SLC35F3: variants seen among roughly 807,000 people sequenced by gnomAD.
SLC35F3 encodes the protein solute carrier family 35 member F3, also known as putative thiamine transporter SLC35F3.
Under a neutral mutation model 49.9 loss-of-function variants are expected in SLC35F3, and 25 were observed. The observed-to-expected ratio is 0.50, with a 90% CI of 0.37 to 0.70. The LOEUF is 0.70. SLC35F3 is among the 30% of genes least tolerant of loss of function. SLC35F3 has a pLI of 0.00. For synonymous variants in SLC35F3, 275 were observed against 265.4 expected, an observed-to-expected ratio of 1.04 and a Z score of -0.35; for missense variants, 525 against 639.8, an observed-to-expected ratio of 0.82 and a Z score of 1.94.
At position 234,276,492 on chromosome 1, in the gene SLC35F3, A is replaced by G. The variant is rs12037823; in HGVS notation, c.609-32609A>G. Among the ~76,000 whole-genome samples the G allele has an allele frequency of 8.7e-3, 1,318 of 152,238 alleles. 19 individuals carry two copies. Among genetic ancestry groups the G allele is most frequent in the African/African-American group, 0.029 (1,220 of 41,536 alleles). On this transcript the variant is annotated intron_variant, in intron 3 of 7. Transcript: ENST00000366618. ...GTATAAGGCAGAGTACACATTCTAG[A>G]TAACATTACAGCTTATTGTACATGG...
intron 6 of SLC35F3, among the ~76,000 whole-genome samples, 171 bp downstream of exon 6, chr1:234,319,114 A>G (rs1657557224): frequency 6.6e-6 from 1 of 152,148 alleles, no homozygotes; most frequent in African/African-American, 2.4e-5. Flanking sequence ...ATGACATTGG[A>G]TTTGAATTCC....
intron 2 of SLC35F3, among the ~76,000 whole-genome samples, chr1:234,146,505 T>TTTTTTTTTTTTTTTTTTTG (rs1553309510): frequency 7.2e-6 from 1 of 137,942 alleles, no homozygotes; most frequent in Non-Finnish European, 1.5e-5. Context: ...TTTTTTTTTT[T>TTTTTTTTTTTTTTTTTTTG]CTGGAGACGG....
chr1:234,131,942 T>A (rs1343858417), intron 2 of SLC35F3, among the ~76,000 whole-genome samples: 3 of 152,206 alleles, frequency 2.0e-5, no homozygotes, highest in Non-Finnish European at 4.4e-5. Context: ...TTTTGTTTAT[T>A]CTAGACTATG....
chr1:234,091,504 T>C (rs1370054247), intron 2 of SLC35F3, among the ~76,000 whole-genome samples: 1 of 152,140 alleles, frequency 6.6e-6, no homozygotes, highest in Non-Finnish European at 1.5e-5. Flanking sequence ...GGGTGGAAAG[T>C]CTGTTCATGC....
intron 2 of SLC35F3, among the ~76,000 whole-genome samples, chr1:234,095,086 G>T (rs1253390480): frequency 1.1e-4 from 16 of 152,088 alleles, no homozygotes; most frequent in Admixed American, 1.0e-3. Flanking sequence ...ATCCTCAGTG[G>T]TTCTGCCTAT....
intron 2 of SLC35F3, among the ~76,000 whole-genome samples, chr1:234,165,066 G>A (rs1371080315): frequency 6.6e-6 from 1 of 151,606 alleles, no homozygotes; most frequent in Admixed American, 6.6e-5. Context: ...GTGTGTGTGT[G>A]TGTGTGTGTG....
chr1:233,939,453 T>G (rs1021699055), intron 2 of SLC35F3, among the ~76,000 whole-genome samples: 3 of 152,108 alleles, frequency 2.0e-5, no homozygotes, highest in Non-Finnish European at 4.4e-5. Context: ...ATATCCTGTC[T>G]CCGAAAAGAA....
At chr1:234,172,140 C>T (rs1004211249) in intron 2 of SLC35F3, among the ~76,000 whole-genome samples, 2 of 152,212 alleles carry the variant, frequency 1.3e-5, no homozygotes, top group African/African-American at 4.8e-5. Context: ...AGTCCAGACC[C>T]CCACCTAACC....
intron 2 of SLC35F3, among the ~76,000 whole-genome samples, chr1:234,028,397 C>A (rs919707169): frequency 6.6e-6 from 1 of 152,172 alleles, no homozygotes; most frequent in East Asian, 1.9e-4. Flanking sequence ...TGGGTGCTGT[C>A]GTGCTCCTGG....
At chr1:234,139,203 G>T (rs1665852452) in intron 2 of SLC35F3, among the ~76,000 whole-genome samples, 1 of 152,158 alleles carries the variant, frequency 6.6e-6, no homozygotes, top group Admixed American at 6.5e-5. Flanking sequence ...GGTAAAAGTT[G>T]GTGGTCACAA....
chr1:234,165,997 A>T (rs1337225210), intron 2 of SLC35F3, among the ~76,000 whole-genome samples: 4 of 152,210 alleles, frequency 2.6e-5, no homozygotes, highest in Admixed American at 2.6e-4. Context: ...AATGGCCTCC[A>T]GTTCCGTCCA....
intron 3 of SLC35F3, among the ~76,000 whole-genome samples, chr1:234,245,983 G>T (rs761672902): frequency 1.5e-4 from 23 of 152,112 alleles, no homozygotes; most frequent in Non-Finnish European, 3.1e-4. Context: ...GGGGGAGGGG[G>T]ACATCAACTT....
Position 234,034,134 on chromosome 1 carries a change from G to A in SLC35F3, c.283+128376G>A, listed in dbSNP as rs182284711. Among the ~76,000 whole-genome samples, 32 of 152,278 alleles carry A rather than the reference G, an allele frequency of 2.1e-4. 1 individual carries two copies. The highest frequency in any genetic ancestry group is 1.5e-3 in the Admixed American group (23 of 15,298). ...TTGCAGCTGTAATAAAAGGGGTTGAGTTCTTGATTTGATTCTCAGCTTGGT... is the reference window on the plus strand; with the variant it reads ...TTGCAGCTGTAATAAAAGGGGTTGAATTCTTGATTTGATTCTCAGCTTGGT... On this transcript the variant is annotated intron_variant, in intron 2 of 7. Coordinates refer to ENST00000366618, the MANE Select transcript of SLC35F3 (RefSeq NM_173508.4).
chr1:233,914,409 C>G (rs1461656881), intron 2 of SLC35F3, among the ~76,000 whole-genome samples: 1 of 152,162 alleles, frequency 6.6e-6, no homozygotes, highest in East Asian at 1.9e-4. Context: ...CCTCCTACAT[C>G]AATGTCTTGC....
chr1:234,110,447 T>C (rs1665389505), intron 2 of SLC35F3, among the ~76,000 whole-genome samples: 1 of 152,248 alleles, frequency 6.6e-6, no homozygotes, highest in Admixed American at 6.5e-5. Context: ...ATTAAGATTT[T>C]GGTTCAGGAT....
At chr1:234,217,933 G>A (rs1241638584) in intron 2 of SLC35F3, among the ~76,000 whole-genome samples, 4 of 152,184 alleles carry the variant, frequency 2.6e-5, no homozygotes, top group Admixed American at 1.3e-4. Flanking sequence ...CTGAGGCTGG[G>A]GGGATATGAG....
At chr1:234,055,207 G>A (rs1234839909) in intron 2 of SLC35F3, among the ~76,000 whole-genome samples, 1 of 152,184 alleles carries the variant, frequency 6.6e-6, no homozygotes, top group African/African-American at 2.4e-5. Flanking sequence ...AGAAGTTTCT[G>A]TTGCCTTTTG....
chr1:234,055,341 C>G (rs1420179099), intron 2 of SLC35F3, among the ~76,000 whole-genome samples: 1 of 152,178 alleles, frequency 6.6e-6, no homozygotes, highest in Admixed American at 6.5e-5. Context: ...TTTACCTACT[C>G]AAGCCTCAGC....
intron 2 of SLC35F3, among the ~76,000 whole-genome samples, chr1:234,203,573 T>C (rs1231054771): frequency 2.0e-5 from 3 of 152,142 alleles, no homozygotes; most frequent in Admixed American, 1.3e-4. Flanking sequence ...TAGCCAGATG[T>C]GCTGGCATGT....
Sources: allele counts gnomAD v4.1 joint callset (sites outside exome capture counted in the v4.1 genomes callset), GRCh38; gene constraint gnomAD v4.1.1; transcripts MANE v1.5; gene names NCBI Gene and HGNC (gene_info 2026-07-23, HGNC 2026-07-21).